The following LUC7L2 variants were observed in gnomAD, a reference collection of about 807,000 sequenced individuals.
LUC7L2 encodes the protein putative RNA-binding protein Luc7-like 2.
In LUC7L2, 25 loss-of-function variants were observed where a neutral mutation model predicts 52.8. The observed-to-expected ratio is 0.47, with a 90% confidence interval of 0.34 to 0.66. The LOEUF (loss-of-function observed/expected upper bound fraction) is 0.66. Ranked by LOEUF, LUC7L2 falls within the 30% of genes least tolerant of loss-of-function variation. The pLI is 0.01. For synonymous variants in LUC7L2, 144 were observed against 160.9 expected (o/e 0.89, Z 0.80); for missense variants, 328 against 497.8 (o/e 0.66, Z 3.25).
At chr7:139,396,153 T>G (rs1307177400) in intron 2 of LUC7L2, among the ~76,000 whole-genome samples, 1 of 152,150 alleles carries the variant, frequency 6.6e-6, no homozygotes, top group Non-Finnish European at 1.5e-5. Flanking sequence ...TTGAAAATAT[T>G]TTCTTGGCCA....
rs1795968726 is a variant in LUC7L2, at chr7:139,423,128, A to G, written c.*788A>G. The G allele has an allele frequency of 5.0e-6, 2 of 399,052 alleles. No homozygotes were observed. Among genetic ancestry groups the G allele is most frequent in the South Asian group, 1.3e-4 (1 of 7,864 alleles). 24.7% of individuals were successfully genotyped at this position (399,052 alleles called of 1,614,324 possible). On this transcript the variant is annotated 3_prime_UTR_variant, in exon 10 of 10. Coordinates refer to ENST00000354926, the MANE Select transcript of LUC7L2 (RefSeq NM_016019.5). Reference sequence around the variant, plus strand: ...ACACCCTTATTGTAAAAAAATAATAATAATAAAATGAAAGAAACAATCACC... The same window carrying G: ...ACACCCTTATTGTAAAAAAATAATAGTAATAAAATGAAAGAAACAATCACC...
intron 8 of LUC7L2, chr7:139,412,825 TAAAAAAA>T (rs10593094): frequency 7.5e-4 from 92 of 122,442 alleles, no homozygotes; most frequent in Middle Eastern, 4.2e-3. Context: ...ACTCTGTCTT[TAAAAAAA>T]AAAAAAAAAA....
intron 1 of LUC7L2, 43 bp downstream of exon 1, chr7:139,360,365 G>T (rs1450807577): frequency 2.6e-6 from 4 of 1,531,390 alleles, no homozygotes; most frequent in Non-Finnish European, 3.5e-6. Flanking sequence ...AGGGGACGGG[G>T]ACGGCGAAGG....
At chr7:139,389,305 C>A (rs183202355) in intron 2 of LUC7L2, among the ~76,000 whole-genome samples, 4 of 152,138 alleles carry the variant, frequency 2.6e-5, no homozygotes, top group African/African-American at 9.6e-5. Flanking sequence ...TTTTTTGACT[C>A]ATTTTCAGAC....
At chr7:139,420,334 G>C (rs1795839845) in intron 9 of LUC7L2, among the ~76,000 whole-genome samples, 1 of 152,206 alleles carries the variant, frequency 6.6e-6, no homozygotes, top group Admixed American at 6.5e-5. Flanking sequence ...CTCCCAAGTA[G>C]CTGGGATTAC....
In LUC7L2 at chr7:139,363,976, C is replaced by CTTTTTTTTTTTTTT. The variant is rs1169793101; in HGVS notation, c.61+3668_61+3681dup. 1.3e-3 allele frequency among the ~76,000 whole-genome samples: 122 copies of CTTTTTTTTTTTTTT among 96,096 alleles called. 5 individuals carry two copies. Among genetic ancestry groups the CTTTTTTTTTTTTTT allele is most frequent in the African/African-American group, 4.6e-3 (80 of 17,262 alleles). 63.0% of individuals were successfully genotyped at this position (96,096 alleles called of 152,430 possible). On this transcript the variant is annotated intron_variant, in intron 1 of 9. Transcript: ENST00000354926. ...TGAGGGTGTGGATTTAGATTACATC[C>CTTTTTTTTTTTTTT]TTTTTTTTTTTTTTTTTTTTTTTTT...
chr7:139,343,747 C>A (rs1799116952), intron 1 of LUC7L2, among the ~76,000 whole-genome samples: 1 of 151,976 alleles, frequency 6.6e-6, no homozygotes, highest in South Asian at 2.1e-4. Context: ...CCAGCCTGGG[C>A]AACATGGTGA....
At chr7:139,409,480 A>G (rs1795261679) in intron 6 of LUC7L2, 83 bp from the exon 7 acceptor site, 1 of 1,488,416 alleles carries the variant, frequency 6.7e-7, no homozygotes, top group African/African-American at 1.4e-5. Context: ...ACTGTATTAG[A>G]AACCAGATAA....
intron 4 of LUC7L2, among the ~76,000 whole-genome samples, chr7:139,403,655 A>ACTG (rs1458289850): frequency 3.3e-5 from 5 of 151,982 alleles, no homozygotes; most frequent in African/African-American, 9.7e-5. Context: ...ATCCATCACT[A>ACTG]CACAAATGCT....
chr7:139,418,810 G>A (rs1306800101), intron 9 of LUC7L2, among the ~76,000 whole-genome samples: 2 of 152,118 alleles, frequency 1.3e-5, no homozygotes, highest in African/African-American at 4.8e-5. Context: ...ACAACTTTAA[G>A]TTGCTCTAAG....
chr7:139,360,384 T>G (rs1159584892), intron 1 of LUC7L2, 62 bp downstream of exon 1: 9 of 1,493,962 alleles, frequency 6.0e-6, no homozygotes, highest in African/African-American at 1.4e-5. Context: ...GGGAAGGGGT[T>G]CCGAGGGCGC....
chr7:139,341,192 A>G, intron 1 of LUC7L2: 2 of 1,015,890 alleles, frequency 2.0e-6, no homozygotes, highest in Non-Finnish European at 2.7e-6. Flanking sequence ...GTTTCGTTTG[A>G]TTTTGTTACG....
intron 1 of LUC7L2, among the ~76,000 whole-genome samples, chr7:139,350,966 G>A (rs950814583): frequency 5.3e-5 from 8 of 152,168 alleles, no homozygotes; most frequent in Non-Finnish European, 1.0e-4. Flanking sequence ...GAGCCACTGC[G>A]CCTGGCCCAC....
At chr7:139,348,048 T>C (rs1166593111) in intron 1 of LUC7L2, among the ~76,000 whole-genome samples, 1 of 152,126 alleles carries the variant, frequency 6.6e-6, no homozygotes, top group African/African-American at 2.4e-5. Flanking sequence ...GCAGGTTTGT[T>C]ATTAATACTG....
At chr7:139,379,539 A>G (rs1454672723) in intron 2 of LUC7L2, among the ~76,000 whole-genome samples, 2 of 117,230 alleles carry the variant, frequency 1.7e-5, no homozygotes, top group African/African-American at 6.5e-5. Context: ...TTATTCTAGT[A>G]TAACTAATGC....
intron 5 of LUC7L2, among the ~76,000 whole-genome samples, chr7:139,406,388 T>G (rs1158174129): frequency 6.8e-6 from 1 of 146,532 alleles, no homozygotes; most frequent in Non-Finnish European, 1.5e-5. Context: ...AGTCTTACTC[T>G]CTCTCCAAGG....
intron 2 of LUC7L2, among the ~76,000 whole-genome samples, chr7:139,394,751 T>C (rs1458090312): frequency 6.6e-6 from 1 of 152,180 alleles, no homozygotes; most frequent in South Asian, 2.1e-4. Flanking sequence ...CTGAAAAATA[T>C]TGAAAGGTAA....
intron 5 of LUC7L2, among the ~76,000 whole-genome samples, chr7:139,406,965 C>G (rs192524433): frequency 7.2e-6 from 1 of 138,266 alleles, no homozygotes; most frequent in Admixed American, 7.2e-5. Context: ...TAAAGGGAAC[C>G]TATAATTTTC....
rs182513291 is a variant in LUC7L2, at chr7:139,397,612, C to T, written c.157-987C>T. 9.0e-4 allele frequency among the ~76,000 whole-genome samples: 137 copies of T among 152,338 alleles called. 1 individual carries two copies. The highest frequency in any genetic ancestry group is 1.9e-3 in the Non-Finnish European group (126 of 68,034). On this transcript the variant is annotated intron_variant, in intron 2 of 9. Coordinates refer to ENST00000354926, the MANE Select transcript of LUC7L2 (RefSeq NM_016019.5). ...GTGGTCACACCTCCAGTTGGAAAAT[C>T]TCCGCCTTGCTTTCATCACCGATTA...
Sources: gnomAD v4.1 joint callset for allele counts (sites outside exome capture counted in the v4.1 genomes callset) on GRCh38, gnomAD v4.1.1 for gene constraint, MANE v1.5 for transcripts, NCBI Gene and HGNC (gene_info 2026-07-23, HGNC 2026-07-21) for gene names.